CEP104: variants seen among roughly 807,000 people sequenced by gnomAD.
CEP104 encodes centrosomal protein of 104 kDa.
CEP104 carries 84 observed loss-of-function variants against 113.3 expected under a neutral mutation model. The ratio of observed to expected loss-of-function variants is 0.74; its 90% CI spans 0.62 to 0.89. CEP104 has a LOEUF of 0.89. Ranked by LOEUF, CEP104 falls within the 40% of genes least tolerant of loss-of-function variation. CEP104 has a pLI of 0.00. For synonymous variants in CEP104, 378 were observed against 421.7 expected, an observed-to-expected ratio of 0.90 and a Z score of 1.27; for missense variants, 1,053 against 1,156.6, an observed-to-expected ratio of 0.91 and a Z score of 1.30.
In CEP104 at chr1:3,829,295, C is replaced by A; in HGVS notation, c.2122G>T (p.Ala708Ser). ...ACTTCAGCCTGAATTTCTTTCAGTGCTGCCAGCTGCCCTTGTAAAGCTTTT... is the reference window on the plus strand; with the variant it reads ...ACTTCAGCCTGAATTTCTTTCAGTGATGCCAGCTGCCCTTGTAAAGCTTTT... ...EIKALQGQLA[A>S]LKEIQAEVQE... Residue 708 changes from alanine (A) to serine (S), a missense_variant, in exon 15 of 22, where the codon GCA becomes TCA. Transcript: ENST00000378230. 6.3e-6 allele frequency: 10 copies of A among 1,590,738 alleles called. No individual in the cohort carries two copies. The highest frequency in any genetic ancestry group is 8.5e-6 in the Non-Finnish European group (10 of 1,174,666).
chr1:3,855,458 C>T (rs1644700459), intron 1 of CEP104, among the ~76,000 whole-genome samples: 1 of 151,966 alleles, frequency 6.6e-6, no homozygotes, highest in South Asian at 2.1e-4. Context: ...CGTGAGCCGC[C>T]GAGCCTGGCT....
chr1:3,818,150 G>A (rs760074957), intron 20 of CEP104, among the ~76,000 whole-genome samples: 1 of 152,178 alleles, frequency 6.6e-6, no homozygotes, highest in Non-Finnish European at 1.5e-5. Flanking sequence ...CGCCACCCTC[G>A]TCAGGCTTCC....
Position 3,815,222 on chromosome 1 carries a change from T to G in CEP104, c.*180A>C. ...ACTGCACGCAGGATCTTTGGTTAGC[T>G]GCATCCATATCGTTTGCACGAGAGC... On this transcript the variant is annotated 3_prime_UTR_variant, in exon 22 of 22. Coordinates refer to ENST00000378230, the MANE Select transcript of CEP104 (RefSeq NM_014704.4). 1 of 597,216 alleles carries G rather than the reference T, an allele frequency of 1.7e-6. No homozygotes were observed. Among genetic ancestry groups the G allele is most frequent in the Non-Finnish European group, 3.0e-6 (1 of 332,350 alleles). The allele number at this position is 597,216 out of a possible 1,614,324, so 37.0% of individuals were successfully genotyped here. A position where few individuals can be genotyped will look rare whatever the true frequency, so the allele number is the denominator to read the frequency against.
intron 20 of CEP104, among the ~76,000 whole-genome samples, chr1:3,818,149 C>T (rs979104353): frequency 6.6e-5 from 10 of 152,368 alleles, no homozygotes; most frequent in East Asian, 3.9e-4. Context: ...ACGCCACCCT[C>T]GTCAGGCTTC....
Position 3,833,916 on chromosome 1 carries a change from G to A in CEP104, c.1605C>T (p.Thr535=). Residue 535 remains threonine, a synonymous_variant, in exon 12 of 22, where the codon ACC becomes ACT. Coordinates refer to ENST00000378230, the MANE Select transcript of CEP104 (RefSeq NM_014704.4). ...GGCGGGCAGAAGAATCTCCAGTTCT[G>A]GTGAGCAAAACGGGAATGGTCCTCT... ...CVERTIPVLL[T]RTGDSSARLR... is the part of the protein sequence containing the mutation. 3 of 1,614,214 alleles carry A rather than the reference G, an allele frequency of 1.9e-6. No homozygotes were observed. Among genetic ancestry groups the A allele is most frequent in the Non-Finnish European group, 2.5e-6 (3 of 1,180,024 alleles).
At chr1:3,816,750 C>T (rs531720244) in intron 20 of CEP104, among the ~76,000 whole-genome samples, 38 of 152,382 alleles carry the variant, frequency 2.5e-4, no homozygotes, top group African/African-American at 8.4e-4. Flanking sequence ...CCAGGCACCG[C>T]GGGCTCCCCG....
intron 5 of CEP104, 47 bp downstream of exon 5, chr1:3,845,242 T>C (rs1644486060): frequency 7.7e-7 from 1 of 1,301,032 alleles, no homozygotes; most frequent in Non-Finnish European, 1.1e-6. Flanking sequence ...CTCCCTCCCA[T>C]TATAAATAGA....
At chr1:3,838,151 G>C (rs1644349526) in intron 8 of CEP104, among the ~76,000 whole-genome samples, 1 of 152,224 alleles carries the variant, frequency 6.6e-6, no homozygotes, top group Non-Finnish European at 1.5e-5. Context: ...CAGCTCCAGA[G>C]TGTGCTCTCT....
At chr1:3,854,529 C>T (rs574019850) in intron 1 of CEP104, among the ~76,000 whole-genome samples, 40 of 151,904 alleles carry the variant, frequency 2.6e-4, no homozygotes, top group South Asian at 8.3e-4. Flanking sequence ...AGTGCAGTGG[C>T]GTGATCTGGG....
intron 5 of CEP104, 151 bp from the exon 6 acceptor site, chr1:3,845,134 T>G: frequency 1.1e-6 from 1 of 869,618 alleles, no homozygotes. Flanking sequence ...AAGAAAAGTT[T>G]CATATGCTAC....
chr1:3,854,052 C>T (rs973705997), intron 1 of CEP104, among the ~76,000 whole-genome samples: 1 of 152,224 alleles, frequency 6.6e-6, no homozygotes. Flanking sequence ...GGCTCCCACT[C>T]CTTCGTGACC....
chr1:3,828,040 T>C (rs571132831), intron 15 of CEP104, among the ~76,000 whole-genome samples: 23 of 152,098 alleles, frequency 1.5e-4, no homozygotes, highest in African/African-American at 4.1e-4. Flanking sequence ...CAGACAGTGC[T>C]GTGTGCCCAT....
chr1:3,832,615 T>G (rs1644238486), intron 12 of CEP104, among the ~76,000 whole-genome samples: 2 of 152,140 alleles, frequency 1.3e-5, no homozygotes, highest in Admixed American at 6.5e-5. Context: ...TTTTCCTTAT[T>G]TACTCTGAAA....
At position 3,815,095 on chromosome 1, in the gene CEP104, G is replaced by A. The variant is rs1030032613; in HGVS notation, c.*307C>T. On this transcript the variant is annotated 3_prime_UTR_variant, in exon 22 of 22. Transcript: ENST00000378230. ...GGCCTTGCGCGAGCGCCTCCCGGCG[G>A]TGCTCTCTGGCTCTCTCCAAACAGG... 5.6e-6 allele frequency: 2 copies of A among 354,530 alleles called. No homozygotes were observed. The highest frequency in any genetic ancestry group is 1.2e-4 in the East Asian group (2 of 16,420). The allele number at this position is 354,530 out of a possible 1,614,324, so 22.0% of individuals were successfully genotyped here. A position where few individuals can be genotyped will look rare whatever the true frequency, so the allele number is the denominator to read the frequency against.
rs573718172 is a variant in CEP104 at position 3,812,461 on chromosome 1, G to T, written c.*2941C>A. Reference sequence around the variant, plus strand: ...TTTTACAGTTCCTTTTTAATTTTTTGTACTTGATTCTTGGTCCCTTAACAA... The same window carrying T: ...TTTTACAGTTCCTTTTTAATTTTTTTTACTTGATTCTTGGTCCCTTAACAA... On this transcript the variant is annotated 3_prime_UTR_variant, in exon 22 of 22. Coordinates refer to ENST00000378230, the MANE Select transcript of CEP104 (RefSeq NM_014704.4). 2 of 152,000 alleles carry T rather than the reference G, an allele frequency of 1.3e-5. No homozygotes were observed. Among genetic ancestry groups the T allele is most frequent in the South Asian group, 4.1e-4 (2 of 4,820 alleles). The allele number at this position is 152,000 out of a possible 1,614,324, so 9.4% of individuals were successfully genotyped here.
chr1:3,823,216 G>A lies in CEP104; in HGVS notation c.2529C>T (p.Asn843=), dbSNP rs1252538157. Residue 843 remains asparagine, a synonymous_variant, in exon 20 of 22, where the codon AAC becomes AAT. Transcript: ENST00000378230. The surrounding 1 kb of genome is among the most constrained non-coding windows in gnomAD (Gnocchi z 4.1). The part of the protein sequence containing the change: ...CNPAKPEKLA[N]RCPLCHENFS... ...AGTTCTCATGACACAGGGGACACCG[G>A]TTTGCCAGCTTCTCCGGTTTGGCAG... The A allele has an allele frequency of 6.2e-7, 1 of 1,614,082 alleles. No individual in the cohort carries two copies. The highest frequency in any genetic ancestry group is 8.5e-7 in the Non-Finnish European group (1 of 1,180,036).
At chr1:3,836,770 G>T in intron 9 of CEP104, 78 bp from the exon 10 acceptor site, 1 of 1,161,452 alleles carries the variant, frequency 8.6e-7, no homozygotes, top group South Asian at 1.3e-5. Context: ...TCACTGGCAG[G>T]CTTACTGCGC....
chr1:3,826,721 C>T lies in CEP104; in HGVS notation c.2175G>A (p.Lys725=). 6.2e-7 allele frequency: 1 copy of T among 1,614,162 alleles called. No individual in the cohort carries two copies. Among genetic ancestry groups the T allele is most frequent in the Admixed American group, 1.7e-5 (1 of 60,020 alleles). Residue 725 remains lysine, a synonymous_variant, in exon 16 of 22, where the codon AAG becomes AAA. Coordinates refer to ENST00000378230, the MANE Select transcript of CEP104 (RefSeq NM_014704.4). Reference sequence around the variant, plus strand: ...TTCTTTACATACCCTGATTCTTTGGCTTCACAGCATCACTTTCTTTTTCCT... The same window carrying T: ...TTCTTTACATACCCTGATTCTTTGGTTTCACAGCATCACTTTCTTTTTCCT... The part of the protein sequence containing the change: ...EVQEKESDAV[K]PKNQDIQGGK...
chr1:3,839,489 GA>G, intron 7 of CEP104, 118 bp downstream of exon 7: 1 of 923,010 alleles, frequency 1.1e-6, no homozygotes, highest in East Asian at 2.4e-5. Context: ...TGAGATCTTT[GA>G]ACTCACACTA....
Sources: gnomAD v4.1 joint callset for allele counts (sites outside exome capture counted in the v4.1 genomes callset) on GRCh38, gnomAD v4.1.1 for gene constraint, Gnocchi (gnomAD v3.1) non-coding constraint, MANE v1.5 for transcripts, NCBI Gene and HGNC (gene_info 2026-07-23, HGNC 2026-07-21) for gene names.